The following COX7A1 variants were observed in gnomAD, a reference collection of about 807,000 sequenced individuals.
COX7A1 encodes the protein cytochrome c oxidase subunit 7A1, also known as cytochrome c oxidase subunit 7A1, mitochondrial.
Under a neutral mutation model 13.2 loss-of-function variants are expected in COX7A1, and 21 were observed. The ratio of observed to expected loss-of-function variants is 1.59; its 90% CI spans 1.13 to 2.29. COX7A1 has a LOEUF of 2.29. Among genes scored for constraint, COX7A1 ranks in the 30% most tolerant of loss-of-function variants. COX7A1 has a pLI of 0.00. For missense variants in COX7A1, 107 were observed against 100.0 expected (o/e 1.07, Z -0.30); for synonymous variants, 41 against 41.9 (o/e 0.98, Z 0.08).
chr19:36,151,082 T>G (rs775693560), intron 3 of COX7A1, 48 bp from the exon 4 acceptor site: 1 of 1,585,154 alleles, frequency 6.3e-7, no homozygotes, highest in East Asian at 2.2e-5. Flanking sequence ...ATCCCCTCCC[T>G]GGACATCCCA....
chr19:36,151,336 A>C lies in COX7A1; in HGVS notation c.187+126T>G, dbSNP rs919005646. On this transcript the variant is annotated intron_variant, in intron 3 of 3. Transcript: ENST00000292907. ...CCTGCAGGCCTGACTCCAGCTCAGT[A>C]CTCGACCCCCTTCCTAAACGCCAAC... The C allele has an allele frequency of 4.1e-6, 4 of 985,146 alleles. No homozygotes were observed. The African/African-American group carries it at 4.8e-5, about 12-fold the overall frequency. The allele number at this position is 985,146 out of a possible 1,614,324, so 61.0% of individuals were successfully genotyped here. A position where few individuals can be genotyped will look rare whatever the true frequency, so the allele number is the denominator to read the frequency against.
In COX7A1 at chr19:36,151,645, TCCCCA is replaced by T; in HGVS notation, c.102+19_102+23del. ...GCGCGCTCCCGGCTGGCGCGTCGGA[TCCCCA>T]CCCCCCCCGACCCCCCACCTGGAAG... is the stretch of plus-strand genomic sequence containing the variant. On this transcript the variant is annotated intron_variant, in intron 2 of 3. Transcript: ENST00000292907. 5 of 1,387,614 alleles carry T rather than the reference TCCCCA, an allele frequency of 3.6e-6. No homozygotes were observed. The highest frequency in any genetic ancestry group is 4.9e-6 in the Non-Finnish European group (5 of 1,011,244). 86.0% of individuals were successfully genotyped at this position (1,387,614 alleles called of 1,614,324 possible).
At position 36,151,503 on chromosome 19, in the gene COX7A1, T is replaced by TACCTGTA. The variant is rs774928409; in HGVS notation, c.145_146insTACAGGT (p.Asp49ValfsTer50). 8.1e-6 allele frequency: 13 copies of TACCTGTA among 1,614,056 alleles called. No homozygotes were observed. Among genetic ancestry groups the TACCTGTA allele is most frequent in the Middle Eastern group, 1.6e-4 (1 of 6,084 alleles). The stretch of plus-strand genomic sequence containing the variant: ...CATTGTCACTCGGTACAGGATGTTG[T>TACCTGTA]CAACGATGCCGCCCTTCAGGTACAA... On this transcript the variant is annotated frameshift_variant, in exon 3 of 4. Transcript: ENST00000292907. LOFTEE classifies it high-confidence loss of function.
chr19:36,151,744 C>A lies in COX7A1; in HGVS notation c.27G>T (p.Ala9=). 1 of 1,598,614 alleles carries A rather than the reference C, an allele frequency of 6.3e-7. No homozygotes were observed. Among genetic ancestry groups the A allele is most frequent in the Non-Finnish European group, 8.5e-7 (1 of 1,173,100 alleles). The change falls in exon 2 of 4, where the codon GCG becomes GCT. Residue 9 remains alanine, a synonymous_variant. Transcript: ENST00000292907. MQALRVSQ[A]LIRSFSSTAR... Reference sequence around the variant, plus strand: ...CGGTGGAGCTGAAGGAGCGGATCAGCGCCTGGGACACCTGCGGGGTGGGAG... The same window carrying A: ...CGGTGGAGCTGAAGGAGCGGATCAGAGCCTGGGACACCTGCGGGGTGGGAG...
chr19:36,152,416 G>A lies in COX7A1; in HGVS notation c.-9C>T. 7.4e-7 allele frequency: 1 copy of A among 1,359,500 alleles called. No individual in the cohort carries two copies. Among genetic ancestry groups the A allele is most frequent in the South Asian group, 2.1e-5 (1 of 47,412 alleles). 84.2% of individuals were successfully genotyped at this position (1,359,500 alleles called of 1,614,324 possible). A position where few individuals can be genotyped will look rare whatever the true frequency, so the allele number is the denominator to read the frequency against. On this transcript the variant is annotated 5_prime_UTR_variant, in exon 1 of 4. Transcript: ENST00000292907. ...ACCCGAAGGGCCTGCATTCTGCCTT[G>A]TCCTCTTCCGCCGGAGTCACCTCCC...
Position 36,151,653 on chromosome 19 carries a change from C to CGGG in COX7A1, c.102+15_102+16insCCC. 7.1e-7 allele frequency: 1 copy of CGGG among 1,413,702 alleles called. No homozygotes were observed. Among genetic ancestry groups the CGGG allele is most frequent in the Non-Finnish European group, 9.6e-7 (1 of 1,042,712 alleles). The allele number at this position is 1,413,702 out of a possible 1,614,324, so 87.6% of individuals were successfully genotyped here. A position where few individuals can be genotyped will look rare whatever the true frequency, so the allele number is the denominator to read the frequency against. On this transcript the variant is annotated intron_variant, in intron 2 of 3. Coordinates refer to ENST00000292907, the MANE Select transcript of COX7A1 (RefSeq NM_001864.4). The stretch of plus-strand genomic sequence containing the variant: ...CCGGCTGGCGCGTCGGATCCCCACC[C>CGGG]CCCCCGACCCCCCACCTGGAAGAGC...
intron 1 of COX7A1, 55 bp downstream of exon 1, chr19:36,152,338 A>G: frequency 8.4e-7 from 1 of 1,183,850 alleles, no homozygotes; most frequent in Non-Finnish European, 1.1e-6. Flanking sequence ...AGAGTCGCGT[A>G]TTAGGGCGGG....
intron 1 of COX7A1, 56 bp downstream of exon 1, chr19:36,152,337 T>C (rs1017284244): frequency 1.0e-5 from 13 of 1,275,850 alleles, no homozygotes; most frequent in African/African-American, 1.5e-5. Context: ...GAGAGTCGCG[T>C]ATTAGGGCGG....
In COX7A1 at chr19:36,151,667, A is replaced by G. The variant is rs755756129; in HGVS notation, c.102+2T>C. ...GGATCCCCACCCCCCCCGACCCCCC[A>G]CCTGGAAGAGCTTCTGTTTCTCGCG... On this transcript the variant is annotated splice_donor_variant, in intron 2 of 3. Coordinates refer to ENST00000292907, the MANE Select transcript of COX7A1 (RefSeq NM_001864.4). LOFTEE classifies it high-confidence loss of function. 1 of 880,592 alleles carries G rather than the reference A, an allele frequency of 1.1e-6. No individual in the cohort carries two copies. Among genetic ancestry groups the G allele is most frequent in the Non-Finnish European group, 1.6e-6 (1 of 635,166 alleles). The allele number at this position is 880,592 out of a possible 1,614,324, so 54.5% of individuals were successfully genotyped here. A position where few individuals can be genotyped will look rare whatever the true frequency, so the allele number is the denominator to read the frequency against.
Position 36,151,665 on chromosome 19 carries a change from C to G in COX7A1, c.102+4G>C. On this transcript the variant is annotated splice_donor_region_variant and intron_variant, in intron 2 of 3. Coordinates refer to ENST00000292907, the MANE Select transcript of COX7A1 (RefSeq NM_001864.4). ...TCGGATCCCCACCCCCCCCGACCCC[C>G]CACCTGGAAGAGCTTCTGTTTCTCG... 1.9e-6 allele frequency: 3 copies of G among 1,583,870 alleles called. No homozygotes were observed. The highest frequency in any genetic ancestry group is 2.6e-6 in the Non-Finnish European group (3 of 1,162,084).
chr19:36,152,276 C>T, intron 1 of COX7A1, 117 bp downstream of exon 1: 1 of 724,594 alleles, frequency 1.4e-6, no homozygotes, highest in Non-Finnish European at 2.0e-6. Context: ...CGGGGAGTCC[C>T]AGGCCCTGAA....
chr19:36,152,297 G>A (rs1362298934), intron 1 of COX7A1, 96 bp downstream of exon 1: 4 of 940,796 alleles, frequency 4.3e-6, no homozygotes, highest in Non-Finnish European at 5.8e-6. Flanking sequence ...GGTGGCTCAC[G>A]TTCCAAGGCC....
chr19:36,151,656 C>CCGG lies in COX7A1; in HGVS notation c.102+12_102+13insCCG. The CCGG allele has an allele frequency of 6.9e-7, 1 of 1,451,484 alleles. No homozygotes were observed. The highest frequency in any genetic ancestry group is 9.3e-7 in the Non-Finnish European group (1 of 1,077,604). 89.9% of individuals were successfully genotyped at this position (1,451,484 alleles called of 1,614,324 possible). The stretch of plus-strand genomic sequence containing the variant: ...GCTGGCGCGTCGGATCCCCACCCCC[C>CCGG]CCGACCCCCCACCTGGAAGAGCTTC... On this transcript the variant is annotated intron_variant, in intron 2 of 3. Coordinates refer to ENST00000292907, the MANE Select transcript of COX7A1 (RefSeq NM_001864.4).
chr19:36,151,645 T>TGCCCCCCGCC, intron 2 of COX7A1, 24 bp downstream of exon 2: 2 of 1,387,628 alleles, frequency 1.4e-6, no homozygotes, highest in Non-Finnish European at 2.0e-6. Flanking sequence ...GCGCGTCGGA[T>TGCCCCCCGCC]CCCCACCCCC....
chr19:36,151,645 T>TGCCCCCCGGGGCCC, intron 2 of COX7A1, 24 bp downstream of exon 2: 1 of 1,387,632 alleles, frequency 7.2e-7, no homozygotes, highest in Non-Finnish European at 9.9e-7. Context: ...GCGCGTCGGA[T>TGCCCCCCGGGGCCC]CCCCACCCCC....
Position 36,151,703 on chromosome 19 carries a change from T to TGAAAGCGGTTCC in COX7A1, c.56_67dup (p.Arg19_Phe22dup), listed in dbSNP as rs1974775163. The stretch of plus-strand genomic sequence containing the variant: ...CTTCTGTTTCTCGCGCACTCGGTTC[T>TGAAAGCGGTTCC]GAAAGCGGTTCCGGGCGGTGGAGCT... On this transcript the variant is annotated inframe_insertion, in exon 2 of 4. Coordinates refer to ENST00000292907, the MANE Select transcript of COX7A1 (RefSeq NM_001864.4). The TGAAAGCGGTTCC allele has an allele frequency of 9.4e-6, 14 of 1,496,766 alleles. No homozygotes were observed. The Admixed American group carries it at 9.4e-5, about 10-fold the overall frequency. The allele number at this position is 1,496,766 out of a possible 1,614,324, so 92.7% of individuals were successfully genotyped here.
chr19:36,151,645 T>TGCCCCCCCGCC, intron 2 of COX7A1, 24 bp downstream of exon 2: 2 of 1,387,632 alleles, frequency 1.4e-6, no homozygotes, highest in Non-Finnish European at 2.0e-6. Flanking sequence ...GCGCGTCGGA[T>TGCCCCCCCGCC]CCCCACCCCC....
chr19:36,151,514 G>A lies in COX7A1; in HGVS notation c.135C>T (p.Gly45=), dbSNP rs754118291. 44 of 1,614,054 alleles carry A rather than the reference G, an allele frequency of 2.7e-5. No homozygotes were observed. The highest frequency in any genetic ancestry group is 6.7e-5 in the East Asian group (3 of 44,894). ...GGTACAGGATGTTGTCAACGATGCC[G>A]CCCTTCAGGTACAACGGGATGTCAT... ...EDNDIPLYLK[G]GIVDNILYRV... The change falls in exon 3 of 4, where the codon GGC becomes GGT. Residue 45 remains glycine, a synonymous_variant. Transcript: ENST00000292907.
In COX7A1 at chr19:36,151,559, G is replaced by T. The variant is rs774812314; in HGVS notation, c.103-13C>A. Reference sequence around the variant, plus strand: ...TGTCATTGTCCTCCTGGATGTGGGGGTGTCTGATGAGAAAGGGGTGCTGGC... The same window carrying T: ...TGTCATTGTCCTCCTGGATGTGGGGTTGTCTGATGAGAAAGGGGTGCTGGC... On this transcript the variant is annotated splice_polypyrimidine_tract_variant and intron_variant, in intron 2 of 3. Coordinates refer to ENST00000292907, the MANE Select transcript of COX7A1 (RefSeq NM_001864.4). 3.9e-5 allele frequency: 63 copies of T among 1,614,116 alleles called. No individual in the cohort carries two copies. The South Asian group carries it at 6.7e-4, about 17-fold the overall frequency.
Sources: gnomAD v4.1 joint callset for allele counts on GRCh38, gnomAD v4.1.1 for gene constraint, MANE v1.5 for transcripts, NCBI Gene and HGNC (gene_info 2026-07-23, HGNC 2026-07-21) for gene names.